The following CALN1 variants were observed in gnomAD, a reference collection of about 807,000 sequenced individuals.
CALN1 encodes calcium-binding protein 8.
Under a neutral mutation model 30.6 loss-of-function variants are expected in CALN1, and 17 were observed. That is an observed-to-expected ratio of 0.56 (90% CI 0.38 to 0.83). The LOEUF is 0.83. Ranked by LOEUF, CALN1 falls within the 40% of genes least tolerant of loss-of-function variation. CALN1 has a pLI of 0.00. For missense variants in CALN1, 291 were observed against 354.9 expected (o/e 0.82, Z 1.45); for synonymous variants, 156 against 131.4 (o/e 1.19, Z -1.28).
Position 72,138,949 on chromosome 7 carries a change from C to T in CALN1, c.245-32655G>A, listed in dbSNP as rs146665959. Among the ~76,000 whole-genome samples, 678 of 152,328 alleles carry T rather than the reference C, an allele frequency of 4.5e-3. 3 individuals are homozygous for T. Among genetic ancestry groups the T allele is most frequent in the African/African-American group, 0.016 (658 of 41,556 alleles). On this transcript the variant is annotated intron_variant, in intron 3 of 6. Transcript: ENST00000395275. ...ATATTTGGTCATTCTGCTCCTTCTA[C>T]CCGAACGCATTCGAAAGCTTGCAAT... is the stretch of plus-strand genomic sequence containing the variant.
chr7:72,013,033 G>C (rs1800175185), intron 5 of CALN1, among the ~76,000 whole-genome samples: 1 of 151,888 alleles, frequency 6.6e-6, no homozygotes, highest in Admixed American at 6.6e-5. Flanking sequence ...CCTGACCTCA[G>C]GTGATCCACC....
intron 3 of CALN1, among the ~76,000 whole-genome samples, chr7:72,149,630 G>GCA (rs1170906164): frequency 1.3e-5 from 2 of 151,924 alleles, no homozygotes; most frequent in African/African-American, 4.8e-5. Context: ...TTTAGACCAT[G>GCA]CTGCCTTCTA....
chr7:71,866,525 A>G (rs968299104), intron 5 of CALN1, among the ~76,000 whole-genome samples: 12 of 152,158 alleles, frequency 7.9e-5, no homozygotes, highest in Non-Finnish European at 1.5e-4. Context: ...CATATAGATC[A>G]TTGATAGATA....
intron 5 of CALN1, among the ~76,000 whole-genome samples, chr7:71,842,918 C>G (rs1790017016): frequency 1.3e-5 from 2 of 152,210 alleles, no homozygotes; most frequent in South Asian, 4.1e-4. Context: ...ACTCTAAATA[C>G]TTTACATGAC....
intron 2 of CALN1, among the ~76,000 whole-genome samples, chr7:72,375,973 T>C (rs1019062104): frequency 1.3e-5 from 2 of 152,192 alleles, no homozygotes; most frequent in African/African-American, 4.8e-5. Context: ...GTTTGCCTAT[T>C]CTAGATATAT....
chr7:72,240,795 A>C (rs1794778267), intron 3 of CALN1, among the ~76,000 whole-genome samples: 1 of 152,156 alleles, frequency 6.6e-6, no homozygotes, highest in African/African-American at 2.4e-5. Flanking sequence ...AGGGTCCATC[A>C]CTTCCACTGG....
chr7:71,826,002 C>T (rs1166088969), intron 5 of CALN1, among the ~76,000 whole-genome samples: 5 of 130,482 alleles, frequency 3.8e-5, no homozygotes, highest in South Asian at 5.0e-4. Flanking sequence ...CACTGCACTC[C>T]AGCCTGGGGG....
At chr7:71,876,548 T>C (rs1792253995) in intron 5 of CALN1, among the ~76,000 whole-genome samples, 1 of 152,166 alleles carries the variant, frequency 6.6e-6, no homozygotes, top group South Asian at 2.1e-4. Context: ...AGTCTTTTTA[T>C]AAAAAATTCC....
intron 3 of CALN1, among the ~76,000 whole-genome samples, chr7:72,146,161 AG>A (rs1378220298): frequency 2.0e-5 from 3 of 152,172 alleles, no homozygotes; most frequent in African/African-American, 7.2e-5. Context: ...GTATTCAATT[AG>A]GAAAAGAGGA....
At chr7:71,960,241 T>A (rs1797181579) in intron 5 of CALN1, among the ~76,000 whole-genome samples, 1 of 152,040 alleles carries the variant, frequency 6.6e-6, no homozygotes. Flanking sequence ...GCAGGTTTCT[T>A]ACATGTATAT....
At chr7:71,944,150 TAAAC>T (rs1465150394) in intron 5 of CALN1, among the ~76,000 whole-genome samples, 1 of 152,090 alleles carries the variant, frequency 6.6e-6, no homozygotes, top group Non-Finnish European at 1.5e-5. Context: ...TTTGTAGTGT[TAAAC>T]AATGCTGCTA....
At chr7:72,376,504 G>T (rs926027147) in intron 2 of CALN1, among the ~76,000 whole-genome samples, 2 of 152,122 alleles carry the variant, frequency 1.3e-5, no homozygotes, top group Non-Finnish European at 2.9e-5. Context: ...GACTACTTGT[G>T]TATCTTCTTT....
rs1031965833 is a variant in CALN1, at chr7:71,956,469, A to G, written c.501+67188T>C. Among the ~76,000 whole-genome samples the G allele has an allele frequency of 2.7e-4, 41 of 149,128 alleles. 1 individual carries two copies. Among genetic ancestry groups the G allele is most frequent in the African/African-American group, 1.0e-3 (41 of 40,364 alleles). ...ATTTAAAGTATTTTTTTTAAAAATT[A>G]TTATTATTTTTGTTCTGATAACTTT... On this transcript the variant is annotated intron_variant, in intron 5 of 6. Coordinates refer to ENST00000395275, the MANE Select transcript of CALN1 (RefSeq NM_031468.4).
intron 4 of CALN1, among the ~76,000 whole-genome samples, chr7:72,078,827 T>G (rs1048692070): frequency 1.3e-5 from 2 of 152,114 alleles, no homozygotes; most frequent in Admixed American, 1.3e-4. Context: ...TCCCAGCTAC[T>G]TGGGAGGCTG....
chr7:72,217,171 C>A (rs1214716867), intron 3 of CALN1, among the ~76,000 whole-genome samples: 1 of 152,162 alleles, frequency 6.6e-6, no homozygotes, highest in Non-Finnish European at 1.5e-5. Context: ...CATTGTCCCA[C>A]ACCCAAACTC....
chr7:72,120,831 T>C, intron 3 of CALN1, among the ~76,000 whole-genome samples: 1 of 152,058 alleles, frequency 6.6e-6, no homozygotes, highest in South Asian at 2.1e-4. Context: ...AGGGTGATCG[T>C]GGGATGGTGA....
chr7:72,048,631 C>G lies in CALN1; in HGVS notation c.389-24862G>C, dbSNP rs546568242. On this transcript the variant is annotated intron_variant, in intron 4 of 6. Transcript: ENST00000395275. The stretch of plus-strand genomic sequence containing the variant: ...TTATAGAGGTAAATATAAGTGCTTT[C>G]TGAAAAATATAATTTCCTTCCTTTT... Among the ~76,000 whole-genome samples, 112 of 152,174 alleles carry G rather than the reference C, an allele frequency of 7.4e-4. 2 individuals carry two copies. Among genetic ancestry groups the G allele is most frequent in the South Asian group, 1.9e-3 (9 of 4,824 alleles).
intron 5 of CALN1, among the ~76,000 whole-genome samples, chr7:71,893,334 T>G (rs1424923457): frequency 6.6e-6 from 1 of 152,168 alleles, no homozygotes; most frequent in Non-Finnish European, 1.5e-5. Context: ...GCCCAAAATG[T>G]CAATGATGCT....
At chr7:72,179,361 G>C (rs1041929379) in intron 3 of CALN1, among the ~76,000 whole-genome samples, 1 of 152,048 alleles carries the variant, frequency 6.6e-6, no homozygotes, top group African/African-American at 2.4e-5. Flanking sequence ...TCTTGACTTA[G>C]AGTAATGGCT....
Sources: allele counts gnomAD v4.1 joint callset (sites outside exome capture counted in the v4.1 genomes callset), GRCh38; gene constraint gnomAD v4.1.1; transcripts MANE v1.5; gene names NCBI Gene and HGNC (gene_info 2026-07-23, HGNC 2026-07-21).